RGSL1: variants seen among roughly 807,000 people sequenced by gnomAD.
The protein encoded by RGSL1 is regulator of G protein signaling like 1.
Under a neutral mutation model 124.7 loss-of-function variants are expected in RGSL1, and 97 were observed. The observed-to-expected ratio is 0.78, with a 90% confidence interval of 0.66 to 0.92. The LOEUF is 0.92. Ranked by LOEUF, RGSL1 falls within the 40% of genes least tolerant of loss-of-function variation. RGSL1 has a pLI of 0.00. For synonymous variants in RGSL1, 424 were observed against 438.1 expected, an observed-to-expected ratio of 0.97 and a Z score of 0.40; for missense variants, 1,233 against 1,288.4, an observed-to-expected ratio of 0.96 and a Z score of 0.66.
chr1:182,505,967 T>C (rs1160773402), intron 9 of RGSL1, among the ~76,000 whole-genome samples: 2 of 152,176 alleles, frequency 1.3e-5, no homozygotes, highest in Non-Finnish European at 2.9e-5. Context: ...GATATTTATA[T>C]ATTTGATTTT....
At chr1:182,519,596 TC>T (rs1658174772) in intron 9 of RGSL1, among the ~76,000 whole-genome samples, 1 of 152,184 alleles carries the variant, frequency 6.6e-6, no homozygotes, top group South Asian at 2.1e-4. Context: ...CTTCAGAACT[TC>T]CGGACTAGAT....
chr1:182,550,816 C>T (rs1170815092), intron 17 of RGSL1: 4 of 386,930 alleles, frequency 1.0e-5, no homozygotes, highest in African/African-American at 2.1e-5. Context: ...CCCCAGGCCT[C>T]AGGATAGTAG....
chr1:182,526,577 C>A (rs996813047), intron 10 of RGSL1, among the ~76,000 whole-genome samples: 1 of 151,770 alleles, frequency 6.6e-6, no homozygotes, highest in South Asian at 2.1e-4. Context: ...GGGGGCTAAG[C>A]AGGGAGATCA....
In RGSL1 at chr1:182,530,916, T is replaced by C. The variant is rs368421523; in HGVS notation, c.2364+6T>C. 1 of 1,544,678 alleles carries C rather than the reference T, an allele frequency of 6.5e-7. No individual in the cohort carries two copies. The highest frequency in any genetic ancestry group is 1.4e-5 in the African/African-American group (1 of 72,530). On this transcript the variant is annotated splice_donor_region_variant and intron_variant, in intron 13 of 21. Coordinates refer to ENST00000294854, the MANE Select transcript of RGSL1 (RefSeq NM_001137669.2). ...CTTACCTACAGGAATCCCAGGTTAG[T>C]GAAGAAGAAAGTGAAACAAGACATT...
chr1:182,523,480 T>C (rs1264727917), intron 10 of RGSL1, among the ~76,000 whole-genome samples: 1 of 152,220 alleles, frequency 6.6e-6, no homozygotes, highest in African/African-American at 2.4e-5. Context: ...TTTTCTAATT[T>C]GTCCTAGTCA....
intron 20 of RGSL1, 40 bp downstream of exon 20, chr1:182,554,733 T>C (rs1200269130): frequency 6.5e-7 from 1 of 1,539,488 alleles, no homozygotes; most frequent in East Asian, 2.4e-5. Context: ...AGTCCAGAGC[T>C]GCTATGTCCA....
chr1:182,530,959 C>G, intron 13 of RGSL1, 49 bp downstream of exon 13: 1 of 1,522,830 alleles, frequency 6.6e-7, no homozygotes. Flanking sequence ...AGAAAACCAT[C>G]GTCTTGGGGG....
intron 9 of RGSL1, among the ~76,000 whole-genome samples, chr1:182,520,767 A>G (rs1172563034): frequency 6.6e-6 from 1 of 151,984 alleles, no homozygotes; most frequent in African/African-American, 2.4e-5. Flanking sequence ...ACTTAGTTGC[A>G]TTTATTTAGA....
chr1:182,462,709 G>A (rs1026850830), intron 4 of RGSL1, among the ~76,000 whole-genome samples: 2 of 152,160 alleles, frequency 1.3e-5, no homozygotes, highest in East Asian at 1.9e-4. Flanking sequence ...ACAACCAAAA[G>A]AGGTGGAGTT....
At chr1:182,529,316 A>C (rs1658994128) in intron 11 of RGSL1, among the ~76,000 whole-genome samples, 1 of 152,234 alleles carries the variant, frequency 6.6e-6, no homozygotes, top group Non-Finnish European at 1.5e-5. Context: ...ATTCAAATTC[A>C]AGTCATTTGA....
Position 182,494,961 on chromosome 1 carries a change from C to T in RGSL1, c.1825+1832C>T, listed in dbSNP as rs534464104. ...TCAGAGGCAATGTTATGTGAGATCC[C>T]ATTGAGGGATCAATCACTTATAAGC... On this transcript the variant is annotated intron_variant, in intron 9 of 21. Coordinates refer to ENST00000294854, the MANE Select transcript of RGSL1 (RefSeq NM_001137669.2). 2.0e-5 allele frequency among the ~76,000 whole-genome samples: 3 copies of T among 152,306 alleles called. No individual in the cohort carries two copies. In the East Asian group the frequency reaches 5.8e-4, roughly 29 times the overall value.
chr1:182,556,710 C>T lies in RGSL1; in HGVS notation c.*165+488C>T, dbSNP rs570386217. On this transcript the variant is annotated intron_variant, in intron 21 of 21. Coordinates refer to ENST00000294854, the MANE Select transcript of RGSL1 (RefSeq NM_001137669.2). The stretch of plus-strand genomic sequence containing the variant: ...CATGCACAAAAGGAATAGTTCTTCC[C>T]GAGAGTTCTGTTCATTTGCCAACTA... Among the ~76,000 whole-genome samples the T allele has an allele frequency of 4.1e-3, 629 of 152,130 alleles. 5 individuals are homozygous for T. Among genetic ancestry groups the T allele is most frequent in the African/African-American group, 0.014 (594 of 41,494 alleles).
At chr1:182,457,212 G>T (rs1193753354) in intron 2 of RGSL1, among the ~76,000 whole-genome samples, 3 of 152,132 alleles carry the variant, frequency 2.0e-5, no homozygotes, top group African/African-American at 7.2e-5. Context: ...ATCTAGGGCG[G>T]TTCTAGGAGC....
At position 182,470,242 on chromosome 1, in the gene RGSL1, C is replaced by T. The variant is rs1273016018; in HGVS notation, c.302-2154C>T. On this transcript the variant is annotated intron_variant, in intron 4 of 21. Coordinates refer to ENST00000294854, the MANE Select transcript of RGSL1 (RefSeq NM_001137669.2). Reference sequence around the variant, plus strand: ...ATCATATTACTCCTTTTCTCACTGTCCCCACTGCTTCTCAACACCCCCAAT... The same window carrying T: ...ATCATATTACTCCTTTTCTCACTGTTCCCACTGCTTCTCAACACCCCCAAT... Among the ~76,000 whole-genome samples, 8 of 152,192 alleles carry T rather than the reference C, an allele frequency of 5.3e-5. No individual in the cohort carries two copies. The East Asian group carries it at 1.2e-3, about 22-fold the overall frequency.
chr1:182,507,645 G>C (rs113740949), intron 9 of RGSL1, among the ~76,000 whole-genome samples: 2 of 151,664 alleles, frequency 1.3e-5, no homozygotes, highest in African/African-American at 4.8e-5. Context: ...GATTACTTAG[G>C]TTGATCTCAT....
At chr1:182,484,283 G>T (rs1654926589) in intron 6 of RGSL1, among the ~76,000 whole-genome samples, 1 of 152,058 alleles carries the variant, frequency 6.6e-6, no homozygotes, top group Non-Finnish European at 1.5e-5. Context: ...CAGCTGCTCA[G>T]TGTCACTTCA....
intron 15 of RGSL1, among the ~76,000 whole-genome samples, chr1:182,544,256 C>A (rs1660070419): frequency 6.6e-6 from 1 of 152,000 alleles, no homozygotes; most frequent in Admixed American, 6.6e-5. Flanking sequence ...TTCACTGACC[C>A]ATTGGTCATT....
At chr1:182,528,181 T>C (rs886341152) in intron 11 of RGSL1, among the ~76,000 whole-genome samples, 1 of 152,028 alleles carries the variant, frequency 6.6e-6, no homozygotes, top group Admixed American at 6.6e-5. Flanking sequence ...TCAGATCTCA[T>C]GAGAACTCAC....
chr1:182,465,788 G>A (rs1192122420), intron 4 of RGSL1, among the ~76,000 whole-genome samples: 2 of 151,962 alleles, frequency 1.3e-5, no homozygotes, highest in African/African-American at 4.8e-5. Context: ...GATTGAAGAG[G>A]CAGGATCACT....
Sources: gnomAD v4.1 joint callset for allele counts (sites outside exome capture counted in the v4.1 genomes callset) on GRCh38, gnomAD v4.1.1 for gene constraint, MANE v1.5 for transcripts, NCBI Gene and HGNC (gene_info 2026-07-23, HGNC 2026-07-21) for gene names.